The following DAB2IP variants were observed in gnomAD, a reference collection of about 807,000 sequenced individuals.
DAB2IP encodes DAB2 interacting protein.
Under a neutral mutation model 107.2 loss-of-function variants are expected in DAB2IP, and 28 were observed. The ratio of observed to expected loss-of-function variants is 0.26; its 90% CI spans 0.19 to 0.36. The LOEUF (loss-of-function observed/expected upper bound fraction) is 0.36. DAB2IP is among the 10% of genes least tolerant of loss of function. DAB2IP has a pLI of 1.00. For synonymous variants in DAB2IP, 755 were observed against 706.4 expected (o/e 1.07, Z -1.09); for missense variants, 1,400 against 1,644.7 (o/e 0.85, Z 2.57).
chr9:121,669,934 T>C (rs2119113958), intron 1 of DAB2IP, among the ~76,000 whole-genome samples: 1 of 152,338 alleles, frequency 6.6e-6, no homozygotes, highest in South Asian at 2.1e-4. Context: ...TGTACATTGG[T>C]ACCATGCCTG....
intron 1 of DAB2IP, among the ~76,000 whole-genome samples, chr9:121,641,439 G>A (rs1832282633): frequency 6.6e-6 from 1 of 152,190 alleles, no homozygotes; most frequent in Admixed American, 6.5e-5. Context: ...TCCCATTTAT[G>A]TTCCAGATTG....
At chr9:121,660,315 C>T (rs1303025759) in intron 1 of DAB2IP, among the ~76,000 whole-genome samples, 3 of 152,200 alleles carry the variant, frequency 2.0e-5, no homozygotes, top group African/African-American at 7.2e-5. Context: ...GGTTAAGTGA[C>T]TTGCTGAGCA....
intron 14 of DAB2IP, among the ~76,000 whole-genome samples, chr9:121,777,847 T>C (rs936091740): frequency 2.6e-5 from 4 of 152,260 alleles, no homozygotes; most frequent in Non-Finnish European, 5.9e-5. Flanking sequence ...TATTGTTGAA[T>C]TAACCTCTTT....
rs968396206 is a variant in DAB2IP, at chr9:121,741,044, C to G, written c.363-15969C>G. On this transcript the variant is annotated intron_variant, in intron 3 of 15. Transcript: ENST00000408936. ...AAGGCACCCAGGTCTCCTACTACCT[C>G]TCAAGAATAGTGGCCAGATGTTCTG... Among the ~76,000 whole-genome samples, 9 of 152,276 alleles carry G rather than the reference C, an allele frequency of 5.9e-5. No homozygotes were observed. In the East Asian group the frequency reaches 1.7e-3, roughly 29 times the overall value.
At chr9:121,656,629 G>A (rs1315001053) in intron 1 of DAB2IP, among the ~76,000 whole-genome samples, 1 of 152,208 alleles carries the variant, frequency 6.6e-6, no homozygotes, top group Non-Finnish European at 1.5e-5. Context: ...TCCCTCTCAG[G>A]TTGTGTAATG....
rs1830614551 is a variant in DAB2IP at position 121,599,418 on chromosome 9, C to T, written c.40+32190C>T. 6.6e-6 allele frequency among the ~76,000 whole-genome samples: 1 copy of T among 152,098 alleles called. No homozygotes were observed. The highest frequency in any genetic ancestry group is 2.1e-4 in the South Asian group (1 of 4,832). ...AGGTCGATTGACCAAACAGGTGCGCCCCCGCCCCTCTGCTCCCCGCCCGCG... is the reference window on the plus strand; with the variant it reads ...AGGTCGATTGACCAAACAGGTGCGCTCCCGCCCCTCTGCTCCCCGCCCGCG... On this transcript the variant is annotated intron_variant, in intron 1 of 16. Transcript: ENST00000259371. The surrounding 1 kb of genome is among the most constrained non-coding windows in gnomAD (Gnocchi z 6.9).
chr9:121,676,525 C>T (rs554932000), intron 1 of DAB2IP, among the ~76,000 whole-genome samples: 4 of 152,282 alleles, frequency 2.6e-5, no homozygotes, highest in East Asian at 1.9e-4. Context: ...TTCTCCCTTG[C>T]GAGTCAACAG....
intron 2 of DAB2IP, among the ~76,000 whole-genome samples, chr9:121,695,375 T>A (rs1829369507): frequency 6.6e-6 from 1 of 152,326 alleles, no homozygotes; most frequent in Middle Eastern, 3.4e-3. Context: ...TACTACTCTG[T>A]GTAGTTGCTT....
upstream of DAB2IP, among the ~76,000 whole-genome samples, chr9:121,648,647 G>A (rs1053551426): frequency 2.0e-5 from 3 of 152,304 alleles, no homozygotes; most frequent in East Asian, 1.9e-4. Context: ...GCGTCTTGAG[G>A]GAAACTCAGA....
intron 1 of DAB2IP, among the ~76,000 whole-genome samples, chr9:121,657,227 G>A (rs1316182824): frequency 6.6e-6 from 1 of 152,238 alleles, no homozygotes; most frequent in Middle Eastern, 3.4e-3. Flanking sequence ...TAGTGCTGAG[G>A]GTTCAGAGTC....
At chr9:121,767,610 G>A (rs1342820738) in intron 9 of DAB2IP, among the ~76,000 whole-genome samples, 1 of 152,222 alleles carries the variant, frequency 6.6e-6, no homozygotes, top group Non-Finnish European at 1.5e-5. Flanking sequence ...GGGACCTGAA[G>A]GCCAGACAGG....
chr9:121,773,540 GC>G (rs772052777), intron 12 of DAB2IP, 45 bp downstream of exon 12: 1 of 1,429,396 alleles, frequency 7.0e-7, no homozygotes. Flanking sequence ...CTTGGGCCCA[GC>G]TGGGGCTGTC....
At chr9:121,716,923 A>C (rs898704717) in intron 3 of DAB2IP, among the ~76,000 whole-genome samples, 33 of 152,216 alleles carry the variant, frequency 2.2e-4, no homozygotes, top group African/African-American at 7.7e-4. Context: ...TGTAGCCTCT[A>C]ATGATGAGTA....
At chr9:121,712,510 A>C (rs2118783364) in intron 3 of DAB2IP, among the ~76,000 whole-genome samples, 1 of 152,150 alleles carries the variant, frequency 6.6e-6, no homozygotes, top group South Asian at 2.1e-4. Context: ...TTAAAGTTGG[A>C]GGTAGCCTGG....
intron 1 of DAB2IP, among the ~76,000 whole-genome samples, chr9:121,597,340 T>C (rs570646321): frequency 6.6e-6 from 1 of 152,306 alleles, no homozygotes; most frequent in East Asian, 1.9e-4. Flanking sequence ...GGACATTCTA[T>C]TGCTCTAGCA....
At chr9:121,615,200 A>G (rs1344604627) in intron 1 of DAB2IP, among the ~76,000 whole-genome samples, 1 of 152,214 alleles carries the variant, frequency 6.6e-6, no homozygotes, top group Admixed American at 6.5e-5. Context: ...CTTTGTAGAA[A>G]AGAAGGTTAA....
At chr9:121,751,376 C>G (rs145496648) in intron 3 of DAB2IP, 1 of 153,540 alleles carries the variant, frequency 6.5e-6, no homozygotes, top group South Asian at 2.0e-4. Context: ...AGGATTGTCA[C>G]GAGAATTAAG....
At chr9:121,768,952 G>A (rs1212328954) in intron 10 of DAB2IP, among the ~76,000 whole-genome samples, 4 of 152,190 alleles carry the variant, frequency 2.6e-5, no homozygotes, top group Admixed American at 6.5e-5. Flanking sequence ...TCGTGAATCC[G>A]CCTGTATGAA....
chr9:121,670,256 T>C (rs1275977573), intron 1 of DAB2IP, among the ~76,000 whole-genome samples: 1 of 152,234 alleles, frequency 6.6e-6, no homozygotes, highest in Non-Finnish European at 1.5e-5. Flanking sequence ...CAATAGTGTG[T>C]TTCTTTTTTA....
Sources: allele counts gnomAD v4.1 joint callset (sites outside exome capture counted in the v4.1 genomes callset), GRCh38; gene constraint gnomAD v4.1.1; non-coding constraint Gnocchi (gnomAD v3.1); transcripts MANE v1.5; gene names NCBI Gene and HGNC (gene_info 2026-07-23, HGNC 2026-07-21).